Variants in NUDT14 observed in about 807,000 individuals in gnomAD.
NUDT14 encodes the protein nudix hydrolase 14, also known as uridine diphosphate glucose pyrophosphatase NUDT14.
Under a neutral mutation model 17.5 loss-of-function variants are expected in NUDT14, and 22 were observed. That is an observed-to-expected ratio of 1.26 (90% CI 0.90 to 1.80). The LOEUF is 1.80. NUDT14 is among the 40% of genes most tolerant of loss of function. The pLI, the probability that NUDT14 is intolerant of heterozygous loss-of-function variation, is 0.00. For synonymous variants in NUDT14, 129 were observed against 125.8 expected, an observed-to-expected ratio of 1.03 and a Z score of -0.17; for missense variants, 296 against 295.6, an observed-to-expected ratio of 1.00 and a Z score of -0.01.
At chr14:105,175,785 G>A (rs2141006913) in intron 4 of NUDT14, 2 of 1,015,476 alleles carry the variant, frequency 2.0e-6, no homozygotes, top group Non-Finnish European at 1.2e-6. Context: ...CTGCTGAGGT[G>A]GGAGGGCCCC....
At chr14:105,178,061 T>C (rs1320108346) in intron 1 of NUDT14, among the ~76,000 whole-genome samples, 1 of 151,894 alleles carries the variant, frequency 6.6e-6, no homozygotes, top group Non-Finnish European at 1.5e-5. Context: ...CGTCACCAAG[T>C]ATAGGAAGGC....
In NUDT14 at chr14:105,177,677, G is replaced by A; in HGVS notation, c.125+15C>T. Reference sequence around the variant, plus strand: ...CTGGGGCTTCCCCAGTGGCCAGGCTGGGCCAGGCTCTCACCTGTCATGCGT... The same window carrying A: ...CTGGGGCTTCCCCAGTGGCCAGGCTAGGCCAGGCTCTCACCTGTCATGCGT... On this transcript the variant is annotated intron_variant, in intron 2 of 4. Coordinates refer to ENST00000392568, the MANE Select transcript of NUDT14 (RefSeq NM_177533.5). 2 of 1,611,540 alleles carry A rather than the reference G, an allele frequency of 1.2e-6. No individual in the cohort carries two copies. The highest frequency in any genetic ancestry group is 1.7e-6 in the Non-Finnish European group (2 of 1,179,036).
At chr14:105,174,561 C>A (rs1566776780) in intron 4 of NUDT14, among the ~76,000 whole-genome samples, 1 of 152,170 alleles carries the variant, frequency 6.6e-6, no homozygotes, top group Non-Finnish European at 1.5e-5. Flanking sequence ...CCCAGACCGA[C>A]CTTACCCAGC....
chr14:105,176,736 C>G lies in NUDT14; in HGVS notation c.226G>C (p.Gly76Arg). 1 of 1,612,628 alleles carries G rather than the reference C, an allele frequency of 6.2e-7. No homozygotes were observed. The highest frequency in any genetic ancestry group is 1.3e-5 in the African/African-American group (1 of 75,044). ...YAGEVERRFP[G>R]SLAAVDQDGP... The stretch of plus-strand genomic sequence containing the variant: ...TCCTGGTCTACAGCTGCTAGGGACC[C>G]TGGGAAGCGGCGCTCCACCTCACCC... Residue 76 changes from glycine to arginine, a missense_variant, in exon 4 of 5, where the codon GGG becomes CGG. Transcript: ENST00000392568.
intron 1 of NUDT14, among the ~76,000 whole-genome samples, 195 bp from the exon 2 acceptor site, chr14:105,177,930 C>A (rs931549856): frequency 6.6e-6 from 1 of 152,064 alleles, no homozygotes; most frequent in Non-Finnish European, 1.5e-5. Flanking sequence ...AGGTCAAGGA[C>A]AGCCTAATAC....
At chr14:105,175,011 A>G (rs1889180736) in intron 4 of NUDT14, among the ~76,000 whole-genome samples, 1 of 152,204 alleles carries the variant, frequency 6.6e-6, no homozygotes, top group Non-Finnish European at 1.5e-5. Flanking sequence ...GCATCCCTGA[A>G]GCCACGGCCT....
rs755152684 is a variant in NUDT14, at chr14:105,176,549, C to T, written c.413G>A (p.Arg138Gln). 12 of 1,612,398 alleles carry T rather than the reference C, an allele frequency of 7.4e-6. No individual in the cohort carries two copies. Among genetic ancestry groups the T allele is most frequent in the South Asian group, 3.3e-5 (3 of 91,088 alleles). ...GYHLAPSDLR[R>Q]VATYWSGVGL... ...TCCCACTCACCAGTATGTGGCGACC[C>T]GGCGCAGATCAGAGGGGGCCAAGTG... Residue 138 changes from arginine (R) to glutamine (Q), a missense_variant, in exon 4 of 5, where the codon CGG (arginine) becomes CAG (glutamine). Coordinates refer to ENST00000392568, the MANE Select transcript of NUDT14 (RefSeq NM_177533.5).
rs1566776414 is a variant in NUDT14 at position 105,173,295 on chromosome 14, ACGCTGGCCC to A, written c.429-43_429-35del. On this transcript the variant is annotated intron_variant, in intron 4 of 4. Coordinates refer to ENST00000392568, the MANE Select transcript of NUDT14 (RefSeq NM_177533.5). This position sits in a 1 kb window ranked among gnomAD's most constrained non-coding sequence, Gnocchi z 4.7. ...TGAGACAGGGTCTGCTGAGTCACCC[ACGCTGGCCC>A]CGCTGGCCCCCTGGCCCTTCTACCA... is the stretch of plus-strand genomic sequence containing the variant. The A allele has an allele frequency of 3.4e-6, 5 of 1,471,424 alleles. No individual in the cohort carries two copies. The highest frequency in any genetic ancestry group is 2.9e-5 in the South Asian group (2 of 67,902). The allele number at this position is 1,471,424 out of a possible 1,614,324, so 91.1% of individuals were successfully genotyped here. A position where few individuals can be genotyped will look rare whatever the true frequency, so the allele number is the denominator to read the frequency against.
chr14:105,181,157 A>G lies in NUDT14; in HGVS notation c.53T>C (p.Leu18Pro). Residue 18 changes from leucine to proline, a missense_variant, in exon 1 of 5, where the codon CTG becomes CCG. By Grantham distance (98) the Leu-to-Pro change is moderately conservative. Coordinates refer to ENST00000392568, the MANE Select transcript of NUDT14 (RefSeq NM_177533.5). This position sits in a 1 kb window ranked among gnomAD's most constrained non-coding sequence, Gnocchi z 5.0. ...GCGGTAATGCAGCGTGAGCGGCCGC[A>G]GGTAGGGTGAGGCGGCGCAGCGGCC... ...SVGRCAASPYLRPLTLHYRQN... is the reference protein window; with the variant it reads ...SVGRCAASPYPRPLTLHYRQN... 2 of 1,163,426 alleles carry G rather than the reference A, an allele frequency of 1.7e-6. No individual in the cohort carries two copies. The highest frequency in any genetic ancestry group is 2.1e-6 in the Non-Finnish European group (2 of 937,768). The allele number at this position is 1,163,426 out of a possible 1,614,324, so 72.1% of individuals were successfully genotyped here. A position where few individuals can be genotyped will look rare whatever the true frequency, so the allele number is the denominator to read the frequency against.
At chr14:105,176,031 A>C in intron 4 of NUDT14, 1 of 1,224,426 alleles carries the variant, frequency 8.2e-7, no homozygotes, top group South Asian at 1.4e-5. Flanking sequence ...AGTCCTGGGA[A>C]GGCAACCCCA....
chr14:105,173,569 C>A lies in NUDT14; in HGVS notation c.429-308G>T. ...GGGAGAGCATCCTAGGCGGGCATGG[C>A]CCGATCACGAAGCCCTCCAGAGGGT... is the stretch of plus-strand genomic sequence containing the variant. On this transcript the variant is annotated intron_variant, in intron 4 of 4. Transcript: ENST00000392568. This position sits in a 1 kb window ranked among gnomAD's most constrained non-coding sequence, Gnocchi z 4.7. The A allele has an allele frequency of 3.8e-6, 1 of 265,378 alleles. No homozygotes were observed. 16.4% of individuals were successfully genotyped at this position (265,378 alleles called of 1,614,324 possible). A position where few individuals can be genotyped will look rare whatever the true frequency, so the allele number is the denominator to read the frequency against.
Position 105,176,955 on chromosome 14 carries a change from G to A in NUDT14, c.190+8C>T. 1 of 1,611,200 alleles carries A rather than the reference G, an allele frequency of 6.2e-7. No homozygotes were observed. Among genetic ancestry groups the A allele is most frequent in the Non-Finnish European group, 8.5e-7 (1 of 1,179,310 alleles). On this transcript the variant is annotated splice_region_variant and intron_variant, in intron 3 of 4. Coordinates refer to ENST00000392568, the MANE Select transcript of NUDT14 (RefSeq NM_177533.5). ...TGCAGATCCCCTTCCCACCCCAGCT[G>A]GCCTCACCTGGCCGGAACTGCTTCA...
Position 105,181,014 on chromosome 14 carries a change from G to C in NUDT14, c.81+115C>G, listed in dbSNP as rs940886576. On this transcript the variant is annotated intron_variant, in intron 1 of 4. Transcript: ENST00000392568. The surrounding 1 kb of genome is among the most constrained non-coding windows in gnomAD (Gnocchi z 5.0). Reference sequence around the variant, plus strand: ...AAGCGGCCGCCCGGGAGATCGGCGGGAGGCGGGGGCGGGGCTCCGGGGCGG... The same window carrying C: ...AAGCGGCCGCCCGGGAGATCGGCGGCAGGCGGGGGCGGGGCTCCGGGGCGG... 3 of 275,842 alleles carry C rather than the reference G, an allele frequency of 1.1e-5. No individual in the cohort carries two copies. The highest frequency in any genetic ancestry group is 1.7e-5 in the Non-Finnish European group (3 of 177,506). 17.1% of individuals were successfully genotyped at this position (275,842 alleles called of 1,614,324 possible). A position where few individuals can be genotyped will look rare whatever the true frequency, so the allele number is the denominator to read the frequency against.
intron 4 of NUDT14, chr14:105,175,861 G>A: frequency 2.7e-6 from 3 of 1,098,548 alleles, no homozygotes; most frequent in Non-Finnish European, 3.4e-6. Flanking sequence ...GCTTCTCCCA[G>A]TGGAGCGGGC....
At chr14:105,175,545 G>T in intron 4 of NUDT14, 1 of 177,202 alleles carries the variant, frequency 5.6e-6, no homozygotes, top group Non-Finnish European at 1.1e-5. Flanking sequence ...GGAATTACAG[G>T]CTCCTGCCAC....
chr14:105,177,861 G>A, intron 1 of NUDT14, 126 bp from the exon 2 acceptor site: 5 of 830,090 alleles, frequency 6.0e-6, no homozygotes, highest in Admixed American at 4.9e-5. Context: ...CTGGGCCCAC[G>A]GGAGCCAGGA....
rs759114925 is a variant in NUDT14 at position 105,173,266 on chromosome 14, G to A, written c.429-5C>T. On this transcript the variant is annotated splice_polypyrimidine_tract_variant and splice_region_variant and intron_variant, in intron 4 of 4. Transcript: ENST00000392568. This position sits in a 1 kb window ranked among gnomAD's most constrained non-coding sequence, Gnocchi z 4.7. ...CCAGTCAGTCCCACTCCAGACCTAC[G>A]GGTTGAGACAGGGTCTGCTGAGTCA... 3.8e-5 allele frequency: 57 copies of A among 1,519,258 alleles called. No individual in the cohort carries two copies. In the Admixed American group the frequency reaches 7.3e-4, roughly 19 times the overall value. The allele number at this position is 1,519,258 out of a possible 1,614,324, so 94.1% of individuals were successfully genotyped here.
At position 105,181,222 on chromosome 14, in the gene NUDT14, A is replaced by T. The variant is rs1420819052; in HGVS notation, c.-13T>A. On this transcript the variant is annotated 5_prime_UTR_variant, in exon 1 of 5. Transcript: ENST00000392568. This position sits in a 1 kb window ranked among gnomAD's most constrained non-coding sequence, Gnocchi z 5.0. ...CGATGCGCTCCATGGCGGCGCCCGG[A>T]CAGGCGGGGGCCGCGAGCTCTGCGG... 9.4e-7 allele frequency: 1 copy of T among 1,061,716 alleles called. No individual in the cohort carries two copies. Among genetic ancestry groups the T allele is most frequent in the Non-Finnish European group, 1.2e-6 (1 of 862,140 alleles). 65.8% of individuals were successfully genotyped at this position (1,061,716 alleles called of 1,614,324 possible).
In NUDT14 at chr14:105,177,674, G is replaced by A. The variant is rs1027069701; in HGVS notation, c.125+18C>T. ...AGTCTGGGGCTTCCCCAGTGGCCAG[G>A]CTGGGCCAGGCTCTCACCTGTCATG... On this transcript the variant is annotated intron_variant, in intron 2 of 4. Transcript: ENST00000392568. 1.2e-6 allele frequency: 2 copies of A among 1,611,394 alleles called. No homozygotes were observed. Among genetic ancestry groups the A allele is most frequent in the African/African-American group, 2.7e-5 (2 of 74,930 alleles).
Sources: gnomAD v4.1 joint callset for allele counts (sites outside exome capture counted in the v4.1 genomes callset) on GRCh38, gnomAD v4.1.1 for gene constraint, Gnocchi (gnomAD v3.1) non-coding constraint, MANE v1.5 for transcripts, NCBI Gene and HGNC (gene_info 2026-07-23, HGNC 2026-07-21) for gene names.